The following MAST2 variants were observed in gnomAD, a reference collection of about 807,000 sequenced individuals.
MAST2 encodes the protein microtubule-associated serine/threonine-protein kinase 2.
Under a neutral mutation model 147.4 loss-of-function variants are expected in MAST2, and 70 were observed. The ratio of observed to expected loss-of-function variants is 0.47; its 90% CI spans 0.39 to 0.58. The LOEUF is 0.58. Ranked by LOEUF, MAST2 falls within the 20% of genes least tolerant of loss-of-function variation. MAST2 has a pLI of 0.00. For missense variants in MAST2, 2,080 were observed against 2,302.3 expected (o/e 0.90, Z 1.98); for synonymous variants, 869 against 896.8 (o/e 0.97, Z 0.55).
At chr1:45,983,417 G>A (rs924752144) in intron 5 of MAST2, among the ~76,000 whole-genome samples, 2 of 151,590 alleles carry the variant, frequency 1.3e-5, no homozygotes, top group African/African-American at 4.8e-5. Flanking sequence ...CTTTTCATTT[G>A]GCTTATCGAA....
chr1:46,012,499 T>C (rs1645755145), intron 10 of MAST2, among the ~76,000 whole-genome samples: 1 of 152,202 alleles, frequency 6.6e-6, no homozygotes, highest in African/African-American at 2.4e-5. Context: ...CATCAACATG[T>C]ACTTAATAAA....
chr1:45,845,734 A>G (rs1420926782), intron 3 of MAST2, among the ~76,000 whole-genome samples: 2 of 152,220 alleles, frequency 1.3e-5, no homozygotes, highest in Non-Finnish European at 2.9e-5. Flanking sequence ...ATAATATACA[A>G]TTAAAAGGAG....
chr1:45,833,494 G>T (rs976243213), intron 3 of MAST2, among the ~76,000 whole-genome samples: 1 of 152,120 alleles, frequency 6.6e-6, no homozygotes, highest in African/African-American at 2.4e-5. Flanking sequence ...GAACATTCAT[G>T]TACAAATTTT....
chr1:45,917,516 C>T, intron 4 of MAST2: 6 of 1,366,528 alleles, frequency 4.4e-6, no homozygotes, highest in Non-Finnish European at 5.9e-6. Context: ...CTTGTTCCAG[C>T]CGCCCACTGC....
At chr1:45,958,196 C>T (rs1659917136) in intron 4 of MAST2, among the ~76,000 whole-genome samples, 1 of 152,006 alleles carries the variant, frequency 6.6e-6, no homozygotes, top group Non-Finnish European at 1.5e-5. Flanking sequence ...TAATGATAAT[C>T]TCTTTCTTGA....
At chr1:45,865,214 A>G (rs1646105305) in intron 3 of MAST2, 3 of 431,258 alleles carry the variant, frequency 7.0e-6, no homozygotes, top group East Asian at 1.4e-4. Context: ...ACAGATTGTT[A>G]TAATGTATTT....
At chr1:45,969,365 C>T (rs1643801085) in intron 5 of MAST2, among the ~76,000 whole-genome samples, 1 of 152,138 alleles carries the variant, frequency 6.6e-6, no homozygotes, top group South Asian at 2.1e-4. Flanking sequence ...GATCCGCAAC[C>T]CCTGGGCCAC....
chr1:46,014,955 C>A lies in MAST2; in HGVS notation c.1188+4016C>A, dbSNP rs201506480. On this transcript the variant is annotated intron_variant, in intron 10 of 28. Coordinates refer to ENST00000361297, the MANE Select transcript of MAST2 (RefSeq NM_015112.3). ...GCTCTCCTCAGCAAATGTAAAAGAA[C>A]AGAAATTATAACAAACTGTCTCTCA... Among the ~76,000 whole-genome samples, 183 of 151,930 alleles carry A rather than the reference C, an allele frequency of 1.2e-3. 2 individuals carry two copies. In the East Asian group the frequency reaches 0.013, roughly 11 times the overall value.
chr1:45,967,194 C>A (rs1465666355), intron 5 of MAST2, among the ~76,000 whole-genome samples: 1 of 151,984 alleles, frequency 6.6e-6, no homozygotes, highest in African/African-American at 2.4e-5. Context: ...CTGCCTCATC[C>A]TCCCGAGTAG....
intron 4 of MAST2, among the ~76,000 whole-genome samples, chr1:45,922,048 C>A (rs1001319530): frequency 1.3e-5 from 2 of 152,306 alleles, no homozygotes; most frequent in East Asian, 3.9e-4. Context: ...GAGTGTTCAG[C>A]TCTCAGCAGA....
chr1:45,989,375 G>T (rs1644772157), intron 5 of MAST2, among the ~76,000 whole-genome samples: 1 of 152,132 alleles, frequency 6.6e-6, no homozygotes. Context: ...GTTGAGTTCA[G>T]TACTTACCTG....
chr1:45,846,861 C>A, intron 3 of MAST2: 1 of 172,762 alleles, frequency 5.8e-6, no homozygotes, highest in Non-Finnish European at 1.2e-5. Flanking sequence ...ATTTTTGAAA[C>A]TGCAAATGAA....
chr1:46,036,085 T>G lies in MAST2; in HGVS notation c.*19T>G, dbSNP rs1646895452. 2 of 1,584,936 alleles carry G rather than the reference T, an allele frequency of 1.3e-6. No individual in the cohort carries two copies. Among genetic ancestry groups the G allele is most frequent in the African/African-American group, 2.7e-5 (2 of 74,380 alleles). ...AACATAGCAGTTGTTTGCCATTTCT[T>G]GCACTCAGACCTGTGTAATATATGC... On this transcript the variant is annotated 3_prime_UTR_variant, in exon 29 of 29. Coordinates refer to ENST00000361297, the MANE Select transcript of MAST2 (RefSeq NM_015112.3).
intron 5 of MAST2, among the ~76,000 whole-genome samples, chr1:45,980,391 G>T (rs143010170): frequency 3.5e-4 from 53 of 151,780 alleles, no homozygotes; most frequent in African/African-American, 7.5e-4. Context: ...GAGATCAATC[G>T]TACCCCAAAC....
rs562305378 is a variant in MAST2 at position 45,818,001 on chromosome 1, T to A, written c.178-6432T>A. Among the ~76,000 whole-genome samples the A allele has an allele frequency of 4.6e-5, 7 of 152,318 alleles. No individual in the cohort carries two copies. In the South Asian group the frequency reaches 1.4e-3, roughly 32 times the overall value. ...CTGCATCCTGCTGGTCATGGAAATG[T>A]TTTCTCTGCAAAACGTTGTCGAGAT... On this transcript the variant is annotated intron_variant, in intron 1 of 28. Transcript: ENST00000361297.
At chr1:45,822,736 G>A (rs922353010) in intron 1 of MAST2, among the ~76,000 whole-genome samples, 1 of 152,142 alleles carries the variant, frequency 6.6e-6, no homozygotes, top group Non-Finnish European at 1.5e-5. Flanking sequence ...GCTTCTTGCT[G>A]TGCTTGTCAC....
chr1:45,840,611 A>G (rs958563273), intron 3 of MAST2, among the ~76,000 whole-genome samples: 4 of 152,228 alleles, frequency 2.6e-5, no homozygotes, highest in Admixed American at 6.5e-5. Context: ...TTAAAATAGC[A>G]TAGTGCCAGA....
Position 46,023,685 on chromosome 1 carries a change from A to G in MAST2, c.1572-87A>G. 5 of 1,184,352 alleles carry G rather than the reference A, an allele frequency of 4.2e-6. No homozygotes were observed. Among genetic ancestry groups the G allele is most frequent in the Non-Finnish European group, 6.1e-6 (5 of 821,024 alleles). The allele number at this position is 1,184,352 out of a possible 1,614,324, so 73.4% of individuals were successfully genotyped here. A position where few individuals can be genotyped will look rare whatever the true frequency, so the allele number is the denominator to read the frequency against. ...GCCCCCTTGTTCTGTGCATTAATTA[A>G]GGTGTGAGAGAAGGCAGTTTGGGTG... On this transcript the variant is annotated intron_variant, in intron 14 of 28. Coordinates refer to ENST00000361297, the MANE Select transcript of MAST2 (RefSeq NM_015112.3). This position sits in a 1 kb window ranked among gnomAD's most constrained non-coding sequence, Gnocchi z 4.9.
intron 1 of MAST2, 120 bp downstream of exon 1, chr1:45,804,192 G>C: frequency 8.4e-7 from 1 of 1,189,270 alleles, no homozygotes; most frequent in East Asian, 3.2e-5. Context: ...TTCGCGGGGA[G>C]GAGTGGGAGG....
Sources: allele counts gnomAD v4.1 joint callset (sites outside exome capture counted in the v4.1 genomes callset), GRCh38; gene constraint gnomAD v4.1.1; non-coding constraint Gnocchi (gnomAD v3.1); transcripts MANE v1.5; gene names NCBI Gene and HGNC (gene_info 2026-07-23, HGNC 2026-07-21).